The following AK2 variants were observed in gnomAD, a reference collection of about 807,000 sequenced individuals.
AK2 encodes the protein adenylate kinase 2, mitochondrial.
Under a neutral mutation model 24.6 loss-of-function variants are expected in AK2, and 15 were observed. The observed-to-expected ratio is 0.61, with a 90% confidence interval of 0.41 to 0.94. The LOEUF (loss-of-function observed/expected upper bound fraction) is 0.94. Among genes scored for constraint, AK2 ranks in the 40% least tolerant of loss-of-function variants. AK2 has a pLI of 0.00. For synonymous variants in AK2, 102 were observed against 114.0 expected (o/e 0.90, Z 0.67); for missense variants, 257 against 304.1 (o/e 0.85, Z 1.15).
intron 2 of AK2, 181 bp downstream of exon 2, chr1:33,024,261 G>T (rs968492895): frequency 2.4e-6 from 2 of 829,222 alleles, no homozygotes; most frequent in Non-Finnish European, 3.9e-6. Flanking sequence ...TTTGATGATG[G>T]AAAGTTCTGT....
chr1:33,019,810 C>A, intron 4 of AK2: 1 of 1,123,616 alleles, frequency 8.9e-7, no homozygotes, highest in Non-Finnish European at 1.1e-6. Flanking sequence ...CAGTGGCTAA[C>A]TGGAAGAAAC....
chr1:33,009,481 T>C lies in AK2; in HGVS notation c.*3700A>G, dbSNP rs1168432502. The C allele has an allele frequency of 2.2e-6, 1 of 454,116 alleles. No individual in the cohort carries two copies. Among genetic ancestry groups the C allele is most frequent in the Admixed American group, 2.3e-5 (1 of 42,574 alleles). The allele number at this position is 454,116 out of a possible 1,614,324, so 28.1% of individuals were successfully genotyped here. A position where few individuals can be genotyped will look rare whatever the true frequency, so the allele number is the denominator to read the frequency against. ...TATCCAGCCTGGCAGGAAGCAGATA[T>C]CTTTCTGTGTATATCTGGATCCAAC... On this transcript the variant is annotated 3_prime_UTR_variant, in exon 6 of 6. Transcript: ENST00000672715.
chr1:33,014,791 A>C (rs1639077235), intron 4 of AK2, among the ~76,000 whole-genome samples, 197 bp from the exon 5 acceptor site: 1 of 152,218 alleles, frequency 6.6e-6, no homozygotes, highest in Admixed American at 6.5e-5. Context: ...TATTTTGACC[A>C]AACATTATTA....
intron 1 of AK2, chr1:33,031,890 G>A (rs1640257493): frequency 3.9e-6 from 1 of 255,988 alleles, no homozygotes; most frequent in Non-Finnish European, 8.0e-6. Flanking sequence ...AGGGAGGCAA[G>A]GAAATAAAGT....
In AK2 at chr1:33,011,738, CA is replaced by C; in HGVS notation, c.*1442del. Reference sequence around the variant, plus strand: ...GTTTGCCACAAATCAAACCAGAGACCAAAAGACAGCAGGGACCTTAGAAAAT... The same window carrying C: ...GTTTGCCACAAATCAAACCAGAGACCAAAGACAGCAGGGACCTTAGAAAAT... On this transcript the variant is annotated 3_prime_UTR_variant, in exon 6 of 6. Coordinates refer to ENST00000672715, the MANE Select transcript of AK2 (RefSeq NM_001625.4). 5 of 1,363,230 alleles carry C rather than the reference CA, an allele frequency of 3.7e-6. No individual in the cohort carries two copies. The highest frequency in any genetic ancestry group is 4.8e-6 in the Non-Finnish European group (5 of 1,038,914). The allele number at this position is 1,363,230 out of a possible 1,614,324, so 84.4% of individuals were successfully genotyped here.
Position 33,022,355 on chromosome 1 carries a change from T to A in AK2, c.220-652A>T, listed in dbSNP as rs371942784. On this transcript the variant is annotated intron_variant, in intron 2 of 5. Coordinates refer to ENST00000672715, the MANE Select transcript of AK2 (RefSeq NM_001625.4). ...CAAGCCAACACTCTTCCCTCACTTTTTTTTTTTTTTTTTTTTTTTTGAGAC... is the reference window on the plus strand; with the variant it reads ...CAAGCCAACACTCTTCCCTCACTTTATTTTTTTTTTTTTTTTTTTTGAGAC... Among the ~76,000 whole-genome samples, 742 of 143,918 alleles carry A rather than the reference T, an allele frequency of 5.2e-3. 5 individuals are homozygous for A. Among genetic ancestry groups the A allele is most frequent in the Non-Finnish European group, 8.4e-3 (544 of 65,140 alleles). 94.4% of individuals were successfully genotyped at this position (143,918 alleles called of 152,430 possible). A position where few individuals can be genotyped will look rare whatever the true frequency, so the allele number is the denominator to read the frequency against.
intron 4 of AK2, among the ~76,000 whole-genome samples, chr1:33,018,684 TTC>T (rs893233246): frequency 1.3e-5 from 2 of 152,186 alleles, no homozygotes; most frequent in African/African-American, 4.8e-5. Context: ...GGAATGAATC[TTC>T]TCTCTTTCAC....
intron 4 of AK2, among the ~76,000 whole-genome samples, chr1:33,016,854 T>C (rs1639222920): frequency 6.6e-6 from 1 of 151,750 alleles, no homozygotes; most frequent in Admixed American, 6.6e-5. Context: ...TACAGATGCC[T>C]GCCACCACGC....
chr1:33,026,644 T>A (rs1466427967), intron 1 of AK2, among the ~76,000 whole-genome samples: 1 of 150,008 alleles, frequency 6.7e-6, no homozygotes, highest in East Asian at 2.0e-4. Context: ...CCGTCTCTAC[T>A]AAAATATAAA....
In AK2 at chr1:33,011,503, G is replaced by C; in HGVS notation, c.*1678C>G. The C allele has an allele frequency of 1.6e-6, 2 of 1,287,480 alleles. No individual in the cohort carries two copies. Among genetic ancestry groups the C allele is most frequent in the Non-Finnish European group, 2.0e-6 (2 of 988,848 alleles). 79.8% of individuals were successfully genotyped at this position (1,287,480 alleles called of 1,614,324 possible). A position where few individuals can be genotyped will look rare whatever the true frequency, so the allele number is the denominator to read the frequency against. ...CCAGGTACTCATGCCCAGTTGCCAT[G>C]TGGACAGCAGATAAGACCTCTGGTA... On this transcript the variant is annotated 3_prime_UTR_variant, in exon 6 of 6. Transcript: ENST00000672715.
In AK2 at chr1:33,012,186, C is replaced by T. The variant is rs2124272025; in HGVS notation, c.*995G>A. 6.5e-7 allele frequency: 1 copy of T among 1,535,462 alleles called. No individual in the cohort carries two copies. Among genetic ancestry groups the T allele is most frequent in the Non-Finnish European group, 8.7e-7 (1 of 1,146,722 alleles). Reference sequence around the variant, plus strand: ...TTCACCTGGTTTAATTCTCTGGCAACAATTCAGTTTTCAAACCCAATTCCC... The same window carrying T: ...TTCACCTGGTTTAATTCTCTGGCAATAATTCAGTTTTCAAACCCAATTCCC... On this transcript the variant is annotated 3_prime_UTR_variant, in exon 6 of 6. Transcript: ENST00000672715.
At chr1:33,018,640 G>T (rs1210150289) in intron 4 of AK2, among the ~76,000 whole-genome samples, 2 of 152,092 alleles carry the variant, frequency 1.3e-5, no homozygotes, top group South Asian at 2.1e-4. Context: ...CTCTCTGTGA[G>T]GAAGTCACAC....
At chr1:33,015,448 C>G (rs1021893526) in intron 4 of AK2, among the ~76,000 whole-genome samples, 2 of 152,258 alleles carry the variant, frequency 1.3e-5, no homozygotes. Context: ...AGGCCAAGCT[C>G]TGCTCAGCAG....
In AK2 at chr1:33,036,873, G is replaced by A. The variant is rs1389930535; in HGVS notation, c.-45C>T. On this transcript the variant is annotated 5_prime_UTR_variant, in exon 1 of 6. Transcript: ENST00000672715. ...TGCCACCAGTTCGCACGCCTCACAG[G>A]TCCAGTGCTTCCCAGGTCAACGCAC... 2 of 1,504,304 alleles carry A rather than the reference G, an allele frequency of 1.3e-6. No homozygotes were observed. Among genetic ancestry groups the A allele is most frequent in the Middle Eastern group, 2.3e-4 (1 of 4,284 alleles). The allele number at this position is 1,504,304 out of a possible 1,614,324, so 93.2% of individuals were successfully genotyped here. A position where few individuals can be genotyped will look rare whatever the true frequency, so the allele number is the denominator to read the frequency against.
rs1324503458 is a variant in AK2, at chr1:33,011,080, A to G, written c.*2101T>C. 2.1e-6 allele frequency: 3 copies of G among 1,441,072 alleles called. No homozygotes were observed. The Admixed American group carries it at 8.1e-5, about 39-fold the overall frequency. 89.3% of individuals were successfully genotyped at this position (1,441,072 alleles called of 1,614,324 possible). On this transcript the variant is annotated 3_prime_UTR_variant, in exon 6 of 6. Coordinates refer to ENST00000672715, the MANE Select transcript of AK2 (RefSeq NM_001625.4). ...ATCTTCCAGTTCTTATGGGCAGCCC[A>G]AATATTACTTGTACATGTTGTATGC...
In AK2 at chr1:33,008,158, T is replaced by G. The variant is rs1225322888; in HGVS notation, c.*5023A>C. On this transcript the variant is annotated 3_prime_UTR_variant, in exon 6 of 6. Transcript: ENST00000672715. The stretch of plus-strand genomic sequence containing the variant: ...ACATTTTCCCTCTGAATTCCATCTG[T>G]GTTTACTAAGCATCTGCTGTGTCCT... 2.2e-6 allele frequency: 1 copy of G among 454,190 alleles called. No individual in the cohort carries two copies. Among genetic ancestry groups the G allele is most frequent in the Admixed American group, 2.3e-5 (1 of 42,578 alleles). 28.1% of individuals were successfully genotyped at this position (454,190 alleles called of 1,614,324 possible). A position where few individuals can be genotyped will look rare whatever the true frequency, so the allele number is the denominator to read the frequency against.
At chr1:33,034,896 T>C (rs1209776470) in intron 1 of AK2, among the ~76,000 whole-genome samples, 1 of 151,660 alleles carries the variant, frequency 6.6e-6, no homozygotes, top group Non-Finnish European at 1.5e-5. Flanking sequence ...AAAAAATTGT[T>C]TAAAAATTAG....
At chr1:33,007,951 G>C (rs745361688), downstream of AK2, 2 of 448,902 alleles carry the variant, frequency 4.5e-6, no homozygotes, top group Non-Finnish European at 8.9e-6. Context: ...CAGGGTTATC[G>C]AGGAGAATAA....
At chr1:33,025,267 A>G (rs1639810582) in intron 1 of AK2, among the ~76,000 whole-genome samples, 1 of 152,088 alleles carries the variant, frequency 6.6e-6, no homozygotes, top group East Asian at 1.9e-4. Flanking sequence ...AAATGAGATC[A>G]TGTATATAAT....
Sources: allele counts gnomAD v4.1 joint callset (sites outside exome capture counted in the v4.1 genomes callset), GRCh38; gene constraint gnomAD v4.1.1; transcripts MANE v1.5; gene names NCBI Gene and HGNC (gene_info 2026-07-23, HGNC 2026-07-21).